The following ELAPOR1 variants were observed in gnomAD, a reference collection of about 807,000 sequenced individuals.
ELAPOR1 encodes the protein endosome/lysosome-associated apoptosis and autophagy regulator 1.
In ELAPOR1, 77 loss-of-function variants were observed where a neutral mutation model predicts 119.7. The ratio of observed to expected loss-of-function variants is 0.64; its 90% CI spans 0.54 to 0.78. The LOEUF is 0.78. ELAPOR1 is among the 30% of genes least tolerant of loss of function. ELAPOR1 has a pLI of 0.00. For missense variants in ELAPOR1, 1,115 were observed against 1,270.4 expected (o/e 0.88, Z 1.86); for synonymous variants, 481 against 487.2 (o/e 0.99, Z 0.17).
At chr1:109,169,913 A>G (rs893908428) in intron 3 of ELAPOR1, among the ~76,000 whole-genome samples, 1 of 152,216 alleles carries the variant, frequency 6.6e-6, no homozygotes, top group Non-Finnish European at 1.5e-5. Context: ...TGCACATGAA[A>G]CTGCAAACAA....
chr1:109,121,470 A>C (rs1648412960), intron 1 of ELAPOR1, among the ~76,000 whole-genome samples: 1 of 152,142 alleles, frequency 6.6e-6, no homozygotes, highest in Non-Finnish European at 1.5e-5. Context: ...CATTGTTATA[A>C]AAGCAATAAG....
intron 3 of ELAPOR1, among the ~76,000 whole-genome samples, chr1:109,166,979 G>A (rs1293847054): frequency 6.6e-6 from 1 of 152,168 alleles, no homozygotes; most frequent in Admixed American, 6.5e-5. Flanking sequence ...TATTTAATCT[G>A]TAGTCCAATT....
intron 15 of ELAPOR1, 40 bp downstream of exon 15, chr1:109,194,634 G>A (rs762066690): frequency 7.6e-6 from 12 of 1,581,766 alleles, no homozygotes; most frequent in South Asian, 4.5e-5. Flanking sequence ...TTGAATGGGG[G>A]AGGCCCATGG....
At chr1:109,114,369 G>A (rs530622137) in intron 1 of ELAPOR1, 33 bp downstream of exon 1, 57 of 1,536,208 alleles carry the variant, frequency 3.7e-5, no homozygotes, top group Non-Finnish European at 4.8e-5. Flanking sequence ...TCCCGCTTTG[G>A]TCACAAAAGT....
intron 14 of ELAPOR1, 37 bp from the exon 15 acceptor site, chr1:109,194,384 C>T: frequency 6.3e-7 from 1 of 1,596,646 alleles, no homozygotes. Flanking sequence ...AAGGCCCTTC[C>T]TGACCAGCTG....
At chr1:109,200,321 G>A (rs1654092471) in intron 20 of ELAPOR1, 84 bp downstream of exon 20, 1 of 1,502,494 alleles carries the variant, frequency 6.7e-7, no homozygotes, top group Non-Finnish European at 9.1e-7. Context: ...AAATTAATGG[G>A]GTTTTTCTCT....
intron 7 of ELAPOR1, among the ~76,000 whole-genome samples, chr1:109,183,553 C>CTTCT (rs1327108599): frequency 0.17 from 2,069 of 12,242 alleles, 60 homozygotes; most frequent in African/African-American, 0.28. Flanking sequence ...CTTTCTTTTC[C>CTTCT]TTCCTTCCTT....
At chr1:109,199,608 A>G (rs1034484423) in intron 18 of ELAPOR1, among the ~76,000 whole-genome samples, 19 of 152,220 alleles carry the variant, frequency 1.2e-4, no homozygotes, top group Non-Finnish European at 2.4e-4. Context: ...AATAGCTCTC[A>G]TAAGATGTCA....
At chr1:109,184,372 A>T (rs1652924468) in intron 7 of ELAPOR1, among the ~76,000 whole-genome samples, 1 of 152,036 alleles carries the variant, frequency 6.6e-6, no homozygotes, top group Non-Finnish European at 1.5e-5. Context: ...ACTCCATCTC[A>T]ATAATAATAA....
At chr1:109,141,459 C>T (rs1004846567) in intron 1 of ELAPOR1, among the ~76,000 whole-genome samples, 3 of 151,564 alleles carry the variant, frequency 2.0e-5, no homozygotes, top group Admixed American at 6.6e-5. Flanking sequence ...GACAGGGTTT[C>T]ACCGTGTTAG....
chr1:109,133,014 G>A (rs953402350), intron 1 of ELAPOR1, among the ~76,000 whole-genome samples: 2 of 152,160 alleles, frequency 1.3e-5, no homozygotes, highest in African/African-American at 4.8e-5. Context: ...AGGACCACTT[G>A]AGTCCAGGAG....
rs1224888411 is a variant in ELAPOR1 at position 109,164,667 on chromosome 1, C to T, written c.443C>T (p.Ala148Val). 1 of 1,614,108 alleles carries T rather than the reference C, an allele frequency of 6.2e-7. No individual in the cohort carries two copies. Among genetic ancestry groups the T allele is most frequent in the Middle Eastern group, 1.7e-4 (1 of 6,058 alleles). Reference sequence around the variant, plus strand: ...AACATGGAGCTGGATGACAGTGCTGCTGAGTCCACCGGGAACTGTACTTCG... The same window carrying T: ...AACATGGAGCTGGATGACAGTGCTGTTGAGTCCACCGGGAACTGTACTTCG... Reference protein sequence around the residue: ...SANMELDDSAAESTGNCTSSK... With the variant: ...SANMELDDSAVESTGNCTSSK... The change falls in exon 3 of 22, where the codon GCT becomes GTT. Residue 148 changes from alanine to valine, a missense_variant. By Grantham distance (64) the Ala-to-Val change is moderately conservative. Transcript: ENST00000369939.
At position 109,205,814 on chromosome 1, in the gene ELAPOR1, G is replaced by A. The variant is rs1654453963; in HGVS notation, c.*2802G>A. The A allele has an allele frequency of 6.6e-6, 1 of 152,146 alleles. No homozygotes were observed. The highest frequency in any genetic ancestry group is 1.5e-5 in the Non-Finnish European group (1 of 68,030). 9.4% of individuals were successfully genotyped at this position (152,146 alleles called of 1,614,324 possible). ...GCTGACTTCTGCAGGTCTGCCCTGT[G>A]ACCTGTCAGGAACTCCTGAGTTACG... On this transcript the variant is annotated 3_prime_UTR_variant, in exon 22 of 22. Coordinates refer to ENST00000369939, the MANE Select transcript of ELAPOR1 (RefSeq NM_020775.5).
At chr1:109,200,950 A>T in intron 21 of ELAPOR1, 50 bp downstream of exon 21, 1 of 1,554,582 alleles carries the variant, frequency 6.4e-7, no homozygotes, top group Non-Finnish European at 8.8e-7. Context: ...GCTGGAGGAG[A>T]CACTGCTCCT....
intron 7 of ELAPOR1, among the ~76,000 whole-genome samples, chr1:109,183,450 C>A (rs1036905356): frequency 5.3e-5 from 8 of 151,888 alleles, no homozygotes; most frequent in Non-Finnish European, 1.0e-4. Context: ...TCTCACTATC[C>A]AGAGGTTCAC....
intron 1 of ELAPOR1, among the ~76,000 whole-genome samples, chr1:109,141,832 A>T (rs1649846692): frequency 1.4e-5 from 2 of 145,214 alleles, no homozygotes; most frequent in African/African-American, 5.0e-5. Context: ...CACCTGGCTA[A>T]TTTTTTTTTT....
chr1:109,118,748 C>T (rs1165053621), intron 1 of ELAPOR1, among the ~76,000 whole-genome samples: 1 of 152,084 alleles, frequency 6.6e-6, no homozygotes. Flanking sequence ...GAAAGAACAG[C>T]TTTAGGGAGC....
At chr1:109,166,348 T>C (rs1651601816) in intron 3 of ELAPOR1, among the ~76,000 whole-genome samples, 1 of 152,214 alleles carries the variant, frequency 6.6e-6, no homozygotes, top group Non-Finnish European at 1.5e-5. Flanking sequence ...CCACCTTGGC[T>C]GCTAACTTCT....
At chr1:109,189,477 T>G in intron 10 of ELAPOR1, 115 bp from the exon 11 acceptor site, 8 of 940,994 alleles carry the variant, frequency 8.5e-6, no homozygotes, top group East Asian at 2.5e-5. Context: ...TGTTCAGTGG[T>G]GGTTCTGGGC....
Sources: allele counts gnomAD v4.1 joint callset (sites outside exome capture counted in the v4.1 genomes callset), GRCh38; gene constraint gnomAD v4.1.1; transcripts MANE v1.5; gene names NCBI Gene and HGNC (gene_info 2026-07-23, HGNC 2026-07-21).